The following VWA8 variants were observed in gnomAD, a reference collection of about 807,000 sequenced individuals.
VWA8 encodes the protein von Willebrand factor A domain-containing protein 8.
In VWA8, 221 loss-of-function variants were observed where a neutral mutation model predicts 241.5. The ratio of observed to expected loss-of-function variants is 0.91; its 90% CI spans 0.82 to 1.02. The LOEUF is 1.02. VWA8 is among the 50% of genes least tolerant of loss of function. The pLI is 0.00. For synonymous variants in VWA8, 852 were observed against 827.1 expected (o/e 1.03, Z -0.52); for missense variants, 2,322 against 2,328.7 (o/e 1.00, Z 0.06).
intron 43 of VWA8, among the ~76,000 whole-genome samples, chr13:41,572,675 C>T (rs1166089099): frequency 6.6e-6 from 1 of 151,826 alleles, no homozygotes; most frequent in Non-Finnish European, 1.5e-5. Flanking sequence ...GCAGGGTCCT[C>T]TGTCTAGGAA....
intron 1 of VWA8, among the ~76,000 whole-genome samples, chr13:41,953,058 A>T (rs1480183338): frequency 5.9e-5 from 9 of 152,206 alleles, no homozygotes; most frequent in Admixed American, 3.9e-4. Flanking sequence ...ACATGAAGCA[A>T]AAACGGACAG....
chr13:41,793,535 C>T (rs971074970), intron 17 of VWA8, among the ~76,000 whole-genome samples: 9 of 152,068 alleles, frequency 5.9e-5, no homozygotes, highest in Non-Finnish European at 1.0e-4. Flanking sequence ...AAATTTAGGT[C>T]GGGCACGGTG....
intron 37 of VWA8, among the ~76,000 whole-genome samples, chr13:41,626,988 T>C (rs532195028): frequency 5.9e-5 from 9 of 152,126 alleles, no homozygotes; most frequent in South Asian, 2.1e-4. Context: ...AGACAACCTA[T>C]GGAGTGGGAG....
chr13:41,656,070 C>T (rs1362148125), intron 37 of VWA8, among the ~76,000 whole-genome samples: 1 of 152,146 alleles, frequency 6.6e-6, no homozygotes, highest in African/African-American at 2.4e-5. Flanking sequence ...CTATTTACTG[C>T]TGTGAAATAG....
intron 20 of VWA8, among the ~76,000 whole-genome samples, chr13:41,770,727 G>A (rs2045814954): frequency 1.3e-5 from 2 of 151,794 alleles, no homozygotes; most frequent in Admixed American, 1.3e-4. Context: ...GATAGAGAAG[G>A]CATCCTGTAT....
intron 18 of VWA8, among the ~76,000 whole-genome samples, chr13:41,785,830 T>A (rs1264240198): frequency 1.3e-5 from 2 of 152,092 alleles, no homozygotes; most frequent in Non-Finnish European, 2.9e-5. Flanking sequence ...AGCAGGGATA[T>A]GGCAGTGAAT....
At chr13:41,910,352 C>T (rs1405337103) in intron 3 of VWA8, among the ~76,000 whole-genome samples, 3 of 152,070 alleles carry the variant, frequency 2.0e-5, no homozygotes, top group African/African-American at 4.8e-5. Context: ...TCTGGGAGGC[C>T]GAGGCAGATG....
At chr13:41,622,735 T>G (rs1300784443) in intron 37 of VWA8, among the ~76,000 whole-genome samples, 2 of 152,212 alleles carry the variant, frequency 1.3e-5, no homozygotes, top group African/African-American at 4.8e-5. Flanking sequence ...GGGACATGAC[T>G]CACTGAAGCC....
At chr13:41,666,904 C>T (rs1438300455) in intron 37 of VWA8, among the ~76,000 whole-genome samples, 2 of 152,158 alleles carry the variant, frequency 1.3e-5, no homozygotes, top group Non-Finnish European at 2.9e-5. Flanking sequence ...AAAGCATTGC[C>T]TTTCTGGGCC....
At chr13:41,593,426 C>T (rs1286301295) in intron 40 of VWA8, among the ~76,000 whole-genome samples, 1 of 152,104 alleles carries the variant, frequency 6.6e-6, no homozygotes, top group African/African-American at 2.4e-5. Context: ...AAAACTTGAT[C>T]AGATACCCAG....
At chr13:41,956,966 C>A (rs1878377191) in intron 1 of VWA8, among the ~76,000 whole-genome samples, 1 of 152,176 alleles carries the variant, frequency 6.6e-6, no homozygotes, top group Non-Finnish European at 1.5e-5. Context: ...ATCATCCAGG[C>A]ACAGTGGCTC....
intron 21 of VWA8, among the ~76,000 whole-genome samples, chr13:41,758,368 GCA>G (rs2045709402): frequency 1.1e-4 from 4 of 34,978 alleles, no homozygotes; most frequent in South Asian, 1.0e-3. Context: ...ATAGATACTA[GCA>G]TATATATATA....
chr13:41,926,995 T>G, intron 2 of VWA8: 1 of 453,228 alleles, frequency 2.2e-6, no homozygotes, highest in Non-Finnish European at 4.3e-6. Context: ...ATGAGCGCTA[T>G]GGCAAATGGC....
At chr13:41,714,455 CA>C (rs2045336262) in intron 26 of VWA8, among the ~76,000 whole-genome samples, 1 of 151,978 alleles carries the variant, frequency 6.6e-6, no homozygotes, top group Admixed American at 6.6e-5. Context: ...GAGAGAAAAA[CA>C]CATGAAGGTA....
chr13:41,794,079 C>T (rs2137951624), intron 17 of VWA8, among the ~76,000 whole-genome samples: 1 of 151,714 alleles, frequency 6.6e-6, no homozygotes, highest in African/African-American at 2.4e-5. Context: ...AGTGTGTTGT[C>T]TCCAGCTTTT....
chr13:41,796,004 T>G (rs1468738150), intron 17 of VWA8, among the ~76,000 whole-genome samples: 1 of 152,146 alleles, frequency 6.6e-6, no homozygotes, highest in African/African-American at 2.4e-5. Context: ...AAATGATTCA[T>G]TCTAGGATCA....
intron 9 of VWA8, among the ~76,000 whole-genome samples, chr13:41,874,563 C>T (rs560002309): frequency 6.6e-6 from 1 of 152,204 alleles, no homozygotes; most frequent in South Asian, 2.1e-4. Flanking sequence ...AGAGCCAAAT[C>T]ATGAGTGAAC....
At chr13:41,955,428 A>C in intron 1 of VWA8, among the ~76,000 whole-genome samples, 1 of 152,214 alleles carries the variant, frequency 6.6e-6, no homozygotes. Flanking sequence ...TCTTCATGAT[A>C]GCCCTTCTGG....
At chr13:41,877,490 A>C (rs547537385) in intron 9 of VWA8, among the ~76,000 whole-genome samples, 1 of 152,226 alleles carries the variant, frequency 6.6e-6, no homozygotes, top group South Asian at 2.1e-4. Flanking sequence ...TCAGGAGCTG[A>C]AATCAGATTG....
Sources: allele counts gnomAD v4.1 joint callset (sites outside exome capture counted in the v4.1 genomes callset), GRCh38; gene constraint gnomAD v4.1.1; transcripts MANE v1.5; gene names NCBI Gene and HGNC (gene_info 2026-07-23, HGNC 2026-07-21).